SV2C: variants seen among roughly 807,000 people sequenced by gnomAD.
SV2C encodes the protein synaptic vesicle glycoprotein 2C.
SV2C carries 49 observed loss-of-function variants against 79.7 expected under a neutral mutation model. The observed-to-expected ratio is 0.61, with a 90% CI of 0.49 to 0.78. The LOEUF is 0.78. Ranked by LOEUF, SV2C falls within the 30% of genes least tolerant of loss-of-function variation. The probability of loss-of-function intolerance (pLI) is 0.00; values close to 1 mark genes in which losing one functional copy is unlikely to be tolerated. For synonymous variants in SV2C, 334 were observed against 333.2 expected (o/e 1.00, Z -0.03); for missense variants, 833 against 912.9 (o/e 0.91, Z 1.13).
At chr5:76,310,254 A>G (rs1418988128) in intron 12 of SV2C, among the ~76,000 whole-genome samples, 1 of 152,240 alleles carries the variant, frequency 6.6e-6, no homozygotes, top group Middle Eastern at 3.2e-3. Context: ...AGAAAAATAA[A>G]GCTACGTGGA....
chr5:76,144,515 CTCCTTTACGTAATTA>C (rs1209705653), intron 2 of SV2C, among the ~76,000 whole-genome samples: 2 of 152,144 alleles, frequency 1.3e-5, no homozygotes, highest in African/African-American at 4.8e-5. Flanking sequence ...CTTGAAGGAG[CTCCTTTACGTAATTA>C]ATCCACCCAG....
chr5:76,131,455 G>C (rs1748885920), intron 1 of SV2C, among the ~76,000 whole-genome samples, 195 bp from the exon 2 acceptor site: 1 of 150,678 alleles, frequency 6.6e-6, no homozygotes, highest in Non-Finnish European at 1.5e-5. Context: ...AATACTCCAA[G>C]TGATGCTCAC....
At chr5:75,900,849 T>C in the SV2C span, among the ~76,000 whole-genome samples, 98 of 152,266 alleles carry the variant, frequency 6.4e-4, 1 homozygote, top group Non-Finnish European at 1.3e-3. Context: ...CTTCCATCAC[T>C]GATACCCTTT....
At chr5:76,249,017 C>CTG in intron 4 of SV2C, among the ~76,000 whole-genome samples, 1 of 152,246 alleles carries the variant, frequency 6.6e-6, no homozygotes, top group South Asian at 2.1e-4. Flanking sequence ...TGTGGTGATG[C>CTG]TGTGGTTGCA....
intron 12 of SV2C, among the ~76,000 whole-genome samples, chr5:76,314,667 T>G (rs1435321824): frequency 6.6e-6 from 1 of 152,166 alleles, no homozygotes; most frequent in African/African-American, 2.4e-5. Context: ...TTACCCCATG[T>G]TCAGGTGAGG....
the SV2C span, among the ~76,000 whole-genome samples, chr5:75,979,956 T>C: frequency 4.6e-5 from 7 of 151,794 alleles, no homozygotes; most frequent in African/African-American, 1.5e-4. Context: ...TTTGAAAAAA[T>C]TAATAATACA....
intron 2 of SV2C, among the ~76,000 whole-genome samples, chr5:76,157,961 G>A (rs1450056798): frequency 6.6e-6 from 1 of 151,618 alleles, no homozygotes; most frequent in Non-Finnish European, 1.5e-5. Context: ...GAATAAAATT[G>A]GTGTAAATCT....
intron 4 of SV2C, among the ~76,000 whole-genome samples, chr5:76,270,607 G>T (rs1746816038): frequency 6.6e-6 from 1 of 152,178 alleles, no homozygotes; most frequent in African/African-American, 2.4e-5. Context: ...TGACACTACA[G>T]AATAGCTTGG....
the SV2C span, among the ~76,000 whole-genome samples, chr5:76,007,814 T>C: frequency 2.0e-5 from 3 of 152,144 alleles, no homozygotes; most frequent in African/African-American, 7.2e-5. Context: ...GTCTTCCATC[T>C]CATGTGACTT....
Position 76,325,487 on chromosome 5 carries a change from CGT to C in SV2C, c.2130_2131del (p.Cys710TrpfsTer10), listed in dbSNP as rs757558246. 6.2e-7 allele frequency: 1 copy of C among 1,614,154 alleles called. No homozygotes were observed. Among genetic ancestry groups the C allele is most frequent in the East Asian group, 2.2e-5 (1 of 44,886 alleles). On this transcript the variant is annotated frameshift_variant, in exon 13 of 13. Transcript: ENST00000502798. LOFTEE classifies it high-confidence loss of function. ...IPILLASTVL[V>X]CGGLVGLCLP... ...CCATCCTGCTGGCTTCTACTGTGCTCGTGTGTGGAGGACTCGTTGGGCTGTGC... is the reference window on the plus strand; with the variant it reads ...CCATCCTGCTGGCTTCTACTGTGCTCGTGTGGAGGACTCGTTGGGCTGTGC...
At chr5:75,984,860 C>T in the SV2C span, among the ~76,000 whole-genome samples, 1 of 151,984 alleles carries the variant, frequency 6.6e-6, no homozygotes, top group African/African-American at 2.4e-5. Flanking sequence ...TTGAATCAGG[C>T]CCACCCAGAT....
At chr5:76,279,354 A>G (rs1229999492) in intron 4 of SV2C, among the ~76,000 whole-genome samples, 1 of 152,202 alleles carries the variant, frequency 6.6e-6, no homozygotes, top group Non-Finnish European at 1.5e-5. Flanking sequence ...TAGTGCCCCT[A>G]GAAAGGGCCT....
the SV2C span, among the ~76,000 whole-genome samples, chr5:76,037,437 T>C: frequency 1.3e-5 from 2 of 152,232 alleles, no homozygotes; most frequent in Non-Finnish European, 2.9e-5. Context: ...GTGGATGTCC[T>C]TTCTGTTTGT....
intron 1 of SV2C, among the ~76,000 whole-genome samples, chr5:76,128,173 A>G (rs1748771282): frequency 6.6e-6 from 1 of 152,150 alleles, no homozygotes; most frequent in African/African-American, 2.4e-5. Flanking sequence ...TTAGAGTTTC[A>G]TTGCTTTGCC....
the SV2C span, among the ~76,000 whole-genome samples, chr5:75,897,693 C>T: frequency 6.6e-6 from 1 of 152,398 alleles, no homozygotes; most frequent in African/African-American, 2.4e-5. Context: ...ATTCTTCCTA[C>T]CCATGAGCAT....
rs146094721 is a variant in SV2C at position 76,224,062 on chromosome 5, G to C, written c.913+14175G>C. Among the ~76,000 whole-genome samples the C allele has an allele frequency of 3.6e-3, 550 of 152,264 alleles. 4 individuals carry two copies. The highest frequency in any genetic ancestry group is 0.012 in the African/African-American group (511 of 41,538). ...TCACTTTCAGGCATATTGGGGGTTA[G>C]AGCTTCCACAATGAATCTGAGAGAC... On this transcript the variant is annotated intron_variant, in intron 4 of 12. Transcript: ENST00000502798.
chr5:76,142,856 C>T (rs1749300727), intron 2 of SV2C, among the ~76,000 whole-genome samples: 1 of 151,226 alleles, frequency 6.6e-6, no homozygotes, highest in Non-Finnish European at 1.5e-5. Flanking sequence ...ACTAGGAAGT[C>T]CTTTGCATAT....
chr5:76,086,833 A>T (rs1193879936), intron 1 of SV2C, among the ~76,000 whole-genome samples: 1 of 152,244 alleles, frequency 6.6e-6, no homozygotes, highest in East Asian at 1.9e-4. Context: ...ATATGTCTTA[A>T]TGGGATACTA....
At chr5:76,142,747 C>T in intron 2 of SV2C, among the ~76,000 whole-genome samples, 1 of 151,990 alleles carries the variant, frequency 6.6e-6, no homozygotes, top group Non-Finnish European at 1.5e-5. Flanking sequence ...TTTTTAAAAA[C>T]ATTAACATAA....
Sources: gnomAD v4.1 joint callset for allele counts (sites outside exome capture counted in the v4.1 genomes callset) on GRCh38, gnomAD v4.1.1 for gene constraint, MANE v1.5 for transcripts, NCBI Gene and HGNC (gene_info 2026-07-23, HGNC 2026-07-21) for gene names.